Variants in RALGPS2 observed in about 807,000 individuals in gnomAD.
The protein encoded by RALGPS2 is ras-specific guanine nucleotide-releasing factor RalGPS2.
A neutral mutation model predicts 86.8 loss-of-function variants in RALGPS2; 43 were observed. The ratio of observed to expected loss-of-function variants is 0.50; its 90% CI spans 0.39 to 0.64. RALGPS2 has a LOEUF of 0.64. Ranked by LOEUF, RALGPS2 falls within the 30% of genes least tolerant of loss-of-function variation. RALGPS2 has a pLI of 0.00. For synonymous variants in RALGPS2, 243 were observed against 231.3 expected, an observed-to-expected ratio of 1.05 and a Z score of -0.46; for missense variants, 536 against 694.6, an observed-to-expected ratio of 0.77 and a Z score of 2.57.
At chr1:178,787,054 G>C (rs1023648850) in intron 4 of RALGPS2, among the ~76,000 whole-genome samples, 2 of 151,098 alleles carry the variant, frequency 1.3e-5, no homozygotes, top group African/African-American at 4.9e-5. Flanking sequence ...AATAGAAGAA[G>C]AACAATGTAT....
At chr1:178,773,082 G>A (rs895310984) in intron 1 of RALGPS2, among the ~76,000 whole-genome samples, 1 of 152,214 alleles carries the variant, frequency 6.6e-6, no homozygotes, top group Non-Finnish European at 1.5e-5. Flanking sequence ...GATTACAGGC[G>A]TGAGCCCCTG....
intron 8 of RALGPS2, chr1:178,853,125 CT>C: frequency 1.0e-6 from 1 of 985,336 alleles, no homozygotes; most frequent in Non-Finnish European, 1.2e-6. Context: ...TTGTCATTCT[CT>C]TTTTGTTTGT....
chr1:178,795,388 A>G (rs1425944777), intron 4 of RALGPS2, among the ~76,000 whole-genome samples: 2 of 152,090 alleles, frequency 1.3e-5, no homozygotes, highest in African/African-American at 4.8e-5. Flanking sequence ...ATAATTCTGA[A>G]TCTTATTAAT....
At chr1:178,790,938 T>C (rs570896373) in intron 4 of RALGPS2, among the ~76,000 whole-genome samples, 206 of 152,328 alleles carry the variant, frequency 1.4e-3, no homozygotes, top group African/African-American at 4.6e-3. Context: ...TTCTTATTGT[T>C]AAATCAAAAT....
chr1:178,847,926 T>C (rs1298424139), intron 8 of RALGPS2, among the ~76,000 whole-genome samples: 1 of 152,198 alleles, frequency 6.6e-6, no homozygotes. Context: ...ATTTTTAAAA[T>C]CTGCTTCAGG....
intron 8 of RALGPS2, among the ~76,000 whole-genome samples, chr1:178,837,703 G>A (rs1427711189): frequency 1.8e-4 from 3 of 16,546 alleles, no homozygotes; most frequent in South Asian, 1.8e-3. Context: ...AGTGGGTGCA[G>A]CCCACCGAGC....
intron 4 of RALGPS2, among the ~76,000 whole-genome samples, chr1:178,800,503 C>T (rs147156961): frequency 4.0e-5 from 6 of 151,824 alleles, no homozygotes; most frequent in East Asian, 3.9e-4. Context: ...TTCCACTTAA[C>T]GAATAGTAAA....
intron 10 of RALGPS2, among the ~76,000 whole-genome samples, chr1:178,881,167 C>T (rs946898486): frequency 3.9e-5 from 6 of 152,012 alleles, no homozygotes; most frequent in African/African-American, 1.4e-4. Context: ...TCAAACAGAA[C>T]CATAATAAAG....
chr1:178,791,287 ATT>A (rs563179993), intron 4 of RALGPS2, among the ~76,000 whole-genome samples: 15 of 128,262 alleles, frequency 1.2e-4, no homozygotes, highest in Non-Finnish European at 9.9e-5. Context: ...CACCTGCCTA[ATT>A]TTTTTTTTTT....
intron 1 of RALGPS2, among the ~76,000 whole-genome samples, chr1:178,761,269 C>A (rs911504672): frequency 6.6e-6 from 1 of 152,110 alleles, no homozygotes; most frequent in African/African-American, 2.4e-5. Flanking sequence ...AGCCAGCACA[C>A]CTGGCCTGAC....
intron 8 of RALGPS2, chr1:178,865,047 C>A: frequency 6.6e-7 from 1 of 1,506,038 alleles, no homozygotes; most frequent in Non-Finnish European, 8.9e-7. Context: ...CTGGGATAAC[C>A]TGGATCCCTC....
In RALGPS2 at chr1:178,916,507, AT is replaced by A. The variant is rs887915265; in HGVS notation, c.*151del. On this transcript the variant is annotated 3_prime_UTR_variant, in exon 20 of 20. Coordinates refer to ENST00000367635, the MANE Select transcript of RALGPS2 (RefSeq NM_152663.5). ...GGAGTTCTCAACCAAAAAAGCACTA[AT>A]TTCAGGGAATGATTTGAGATATTCC... 29 of 654,358 alleles carry A rather than the reference AT, an allele frequency of 4.4e-5. No individual in the cohort carries two copies. In the African/African-American group the frequency reaches 5.4e-4, roughly 12 times the overall value. The allele number at this position is 654,358 out of a possible 1,614,324, so 40.5% of individuals were successfully genotyped here.
intron 4 of RALGPS2, among the ~76,000 whole-genome samples, chr1:178,792,868 A>G (rs1395616774): frequency 6.6e-6 from 1 of 152,188 alleles, no homozygotes; most frequent in Non-Finnish European, 1.5e-5. Flanking sequence ...AAGTTCCATC[A>G]TCTATATTCA....
chr1:178,855,609 T>A (rs1657481322), intron 8 of RALGPS2, among the ~76,000 whole-genome samples: 1 of 151,926 alleles, frequency 6.6e-6, no homozygotes, highest in South Asian at 2.1e-4. Flanking sequence ...TTTTTAGTTC[T>A]AGAGTTGCAA....
At chr1:178,888,484 C>T (rs1659583563) in intron 13 of RALGPS2, among the ~76,000 whole-genome samples, 1 of 152,090 alleles carries the variant, frequency 6.6e-6, no homozygotes, top group South Asian at 2.1e-4. Context: ...GTAGTCTCAC[C>T]TAGCTAACTA....
At chr1:178,907,201 A>G (rs1055628237) in intron 19 of RALGPS2, among the ~76,000 whole-genome samples, 1 of 152,222 alleles carries the variant, frequency 6.6e-6, no homozygotes, top group Non-Finnish European at 1.5e-5. Context: ...GACAAGAACC[A>G]CAAGAAGGAA....
rs941164141 is a variant in RALGPS2 at position 178,886,117 on chromosome 1, A to G, written c.1189A>G (p.Ile397Val). 1.1e-5 allele frequency: 17 copies of G among 1,609,344 alleles called. No homozygotes were observed. The highest frequency in any genetic ancestry group is 1.0e-4 in the South Asian group (9 of 89,400). The part of the protein sequence containing the change: ...ESSTLSSGIS[I>V]GSSDGSELSE... ...TTCTACTCTTTCTAGTGGAATATCA[A>G]TAGGTGAGAAATACTTCTCTGAGAG... The change falls in exon 13 of 20, where the codon ATA becomes GTA. Residue 397 changes from isoleucine (I) to valine (V), a missense_variant. Around this residue, in one of 3 missense-constraint regions of RALGPS2, gnomAD observed 309 missense variants for 363.0 expected, o/e 0.85. Transcript: ENST00000367635.
chr1:178,742,719 C>T (rs950309590), intron 1 of RALGPS2, among the ~76,000 whole-genome samples: 6 of 152,152 alleles, frequency 3.9e-5, no homozygotes, highest in African/African-American at 1.4e-4. Context: ...ACAAAAAAGT[C>T]TCAATAATTT....
intron 1 of RALGPS2, among the ~76,000 whole-genome samples, chr1:178,764,790 A>T (rs1292476369): frequency 6.6e-6 from 1 of 152,186 alleles, no homozygotes; most frequent in Non-Finnish European, 1.5e-5. Flanking sequence ...ATAGGCTGAT[A>T]TGGTTTGGCT....
Sources: gnomAD v4.1 joint callset for allele counts (sites outside exome capture counted in the v4.1 genomes callset) on GRCh38, gnomAD v4.1.1 for gene constraint, gnomAD v4.1.1 regional missense constraint, MANE v1.5 for transcripts, NCBI Gene and HGNC (gene_info 2026-07-23, HGNC 2026-07-21) for gene names.